RENBP: variants seen among roughly 807,000 people sequenced by gnomAD.
RENBP encodes the protein N-acylglucosamine 2-epimerase.
RENBP carries 16 observed loss-of-function variants against 37.8 expected under a neutral mutation model. That is an observed-to-expected ratio of 0.42 (90% CI 0.29 to 0.64). The LOEUF is 0.64. RENBP is among the 30% of genes least tolerant of loss of function. The pLI is 0.19. For missense variants in RENBP, 347 were observed against 379.5 expected (o/e 0.91, Z 0.71); for synonymous variants, 170 against 154.8 (o/e 1.10, Z -0.73).
intron 9 of RENBP, among the ~76,000 whole-genome samples, chrX:153,935,782 G>A (rs1195974409): frequency 3.5e-5 from 4 of 112,959 alleles, no homozygotes; most frequent in Non-Finnish European, 5.6e-5. Flanking sequence ...GACTGGGCAA[G>A]GGGATGAGAC....
Position 153,935,318 on chromosome X carries a change from C to CGGGGGA in RENBP, c.1246_1251dup (p.Ser416_Pro417dup), listed in dbSNP as rs782051988. 8.6e-4 allele frequency: 639 copies of CGGGGGA among 744,639 alleles called. 2 individuals are homozygous for CGGGGGA. In the African/African-American group the frequency reaches 0.015, roughly 17 times the overall value. The allele number at this position is 744,639 out of a possible 1,213,427, so 61.4% of individuals were successfully genotyped here. On this transcript the variant is annotated inframe_insertion, in exon 11 of 11. Transcript: ENST00000393700. ...GCGCCTCGGCAGGCGGGGGTGGGGGCGGGGGAGGGGGCGGGGGCGGGGCGG... is the reference window on the plus strand; with the variant it reads ...GCGCCTCGGCAGGCGGGGGTGGGGGCGGGGGAGGGGGAGGGGGCGGGGGCGGGGCGG...
intron 8 of RENBP, among the ~76,000 whole-genome samples, chrX:153,940,666 A>T (rs1479265309): frequency 9.0e-5 from 10 of 111,612 alleles, no homozygotes; most frequent in African/African-American, 2.6e-4. Context: ...AGGTTGCAGT[A>T]AAGGAGCCGG....
At chrX:153,942,622 G>T in intron 6 of RENBP, 3 of 424,491 alleles carry the variant, frequency 7.1e-6, no homozygotes, top group South Asian at 7.1e-5. Context: ...CAGACAGGGC[G>T]GGTTTCACGG....
chrX:153,940,328 G>A, intron 8 of RENBP, 95 bp from the exon 9 acceptor site: 1 of 1,043,511 alleles, frequency 9.6e-7, no homozygotes. Flanking sequence ...GCTACTGGAG[G>A]TGAATTGCGG....
chrX:153,938,782 G>GT (rs1392436888), intron 9 of RENBP, among the ~76,000 whole-genome samples: 1,474 of 75,307 alleles, frequency 0.02, 89 homozygotes, highest in African/African-American at 0.071. Context: ...CATCTGTACT[G>GT]TTTTTTTTTT....
chrX:153,940,862 G>A (rs1031762755), intron 8 of RENBP, among the ~76,000 whole-genome samples: 1 of 111,785 alleles, frequency 8.9e-6, no homozygotes, highest in Non-Finnish European at 1.9e-5. Flanking sequence ...GCAACCAGCC[G>A]GGTGCGGTGG....
At chrX:153,937,238 A>T in intron 9 of RENBP, 1 of 115,678 alleles carries the variant, frequency 8.6e-6, no homozygotes. Context: ...ATAAATAAAT[A>T]AATAAAAACT....
Position 153,935,525 on chromosome X carries a change from T to A in RENBP, c.1129A>T (p.Lys377Ter). The stretch of plus-strand genomic sequence containing the variant: ...CCTCCCTTGATGGAGAGGGCCACCT[T>A]GCCCTCTCGGCTCAGGTAGCCAAAC... ...EWFGYLSREG[K>*]VALSIKGGPF... The change falls in exon 10 of 11, where the codon AAG becomes TAG. Residue 377 changes from lysine (K) to a stop codon, truncating the protein, a stop_gained. Transcript: ENST00000393700. LOFTEE classifies it low-confidence loss of function (END_TRUNC). 8.3e-7 allele frequency: 1 copy of A among 1,209,761 alleles called. No homozygotes were observed. Among genetic ancestry groups the A allele is most frequent in the Non-Finnish European group, 1.1e-6 (1 of 894,069 alleles).
chrX:153,935,642 C>G lies in RENBP; in HGVS notation c.1078-66G>C, dbSNP rs1313126665. 3 of 949,331 alleles carry G rather than the reference C, an allele frequency of 3.2e-6. No individual in the cohort carries two copies. The Admixed American group carries it at 6.7e-5, about 21-fold the overall frequency. The allele number at this position is 949,331 out of a possible 1,213,427, so 78.2% of individuals were successfully genotyped here. A position where few individuals can be genotyped will look rare whatever the true frequency, so the allele number is the denominator to read the frequency against. On this transcript the variant is annotated intron_variant, in intron 9 of 10. Transcript: ENST00000393700. ...CCGCCCAGATGCCACTGCATCGCTACCAGGGGTCAGAGCCTGGGTTGACCC... is the reference window on the plus strand; with the variant it reads ...CCGCCCAGATGCCACTGCATCGCTAGCAGGGGTCAGAGCCTGGGTTGACCC...
intron 7 of RENBP, 137 bp downstream of exon 7, chrX:153,941,813 C>T: frequency 1.3e-6 from 1 of 755,484 alleles, no homozygotes; most frequent in Middle Eastern, 4.5e-4. Context: ...GCAGAAACCC[C>T]CAGCCTTGGG....
At chrX:153,944,266 A>G in intron 2 of RENBP, 43 bp downstream of exon 2, 1 of 1,176,174 alleles carries the variant, frequency 8.5e-7, no homozygotes, top group Non-Finnish European at 1.2e-6. Flanking sequence ...GGCCTCAGGA[A>G]GGGCAAAAAC....
chrX:153,939,511 C>T (rs2065217502), intron 9 of RENBP, among the ~76,000 whole-genome samples: 1 of 112,255 alleles, frequency 8.9e-6, no homozygotes, highest in Admixed American at 9.4e-5. Flanking sequence ...CACCAGCTCC[C>T]ACCTGGGCCA....
At chrX:153,943,765 C>T (rs781894881) in intron 4 of RENBP, 47 bp from the exon 5 acceptor site, 41 of 1,187,277 alleles carry the variant, frequency 3.5e-5, no homozygotes, top group African/African-American at 8.8e-5. Context: ...CAGGACGCCC[C>T]GCACACACCA....
rs1476184007 is a variant in RENBP at position 153,938,780 on chromosome X, CTGTTTTTTTTTTTT to C, written c.1077+1308_1077+1321del. On this transcript the variant is annotated intron_variant, in intron 9 of 10. Transcript: ENST00000393700. The stretch of plus-strand genomic sequence containing the variant: ...CTCATAGATCTCAGCAGCATCTGTA[CTGTTTTTTTTTTTT>C]TGTTTTTTTTTTTTTTGAGACCAAG... Among the ~76,000 whole-genome samples the C allele has an allele frequency of 1.1e-4, 8 of 75,923 alleles. No homozygotes were observed. The South Asian group carries it at 4.8e-3, about 46-fold the overall frequency. 65.9% of individuals were successfully genotyped at this position (75,923 alleles called of 115,157 possible). A position where few individuals can be genotyped will look rare whatever the true frequency, so the allele number is the denominator to read the frequency against.
At chrX:153,944,024 G>A in intron 3 of RENBP, 54 bp from the exon 4 acceptor site, 1 of 1,203,495 alleles carries the variant, frequency 8.3e-7, no homozygotes, top group Non-Finnish European at 1.1e-6. Flanking sequence ...GTGAGGTGGG[G>A]AGACCTTTGA....
At chrX:153,937,858 G>T (rs545426570) in intron 9 of RENBP, among the ~76,000 whole-genome samples, 1 of 111,058 alleles carries the variant, frequency 9.0e-6, no homozygotes, top group Middle Eastern at 4.7e-3. Flanking sequence ...GCCTTTCAAA[G>T]TGCTGGAATG....
Position 153,941,932 on chromosome X carries a change from G to GC in RENBP, c.769+17dup. 10 of 393,627 alleles carry GC rather than the reference G, an allele frequency of 2.5e-5. No homozygotes were observed. The highest frequency in any genetic ancestry group is 3.2e-5 in the Admixed American group (1 of 31,563). 32.4% of individuals were successfully genotyped at this position (393,627 alleles called of 1,213,427 possible). A position where few individuals can be genotyped will look rare whatever the true frequency, so the allele number is the denominator to read the frequency against. On this transcript the variant is annotated intron_variant, in intron 7 of 10. Transcript: ENST00000393700. ...CTCCCCTCCTCCTGGGTGGCCCCCA[G>GC]CCCACCCCGCCCCTCACCTGGGTTC...
At chrX:153,943,182 C>G (rs2065235155) in intron 5 of RENBP, 103 bp from the exon 6 acceptor site, 8 of 611,803 alleles carry the variant, frequency 1.3e-5, no homozygotes, top group Non-Finnish European at 1.9e-5. Context: ...TCTCCTGAAC[C>G]CAGAGACACC....
intron 9 of RENBP, among the ~76,000 whole-genome samples, chrX:153,939,037 A>G (rs1231013655): frequency 1.8e-5 from 2 of 108,320 alleles, no homozygotes; most frequent in Non-Finnish European, 3.8e-5. Flanking sequence ...CAGGTGATCC[A>G]CCTGCCTCAG....
Sources: gnomAD v4.1 joint callset for allele counts (sites outside exome capture counted in the v4.1 genomes callset) on GRCh38, gnomAD v4.1.1 for gene constraint, MANE v1.5 for transcripts, NCBI Gene and HGNC (gene_info 2026-07-23, HGNC 2026-07-21) for gene names.